RBFOX1: variants seen among roughly 807,000 people sequenced by gnomAD.
RBFOX1 encodes the protein RNA binding protein fox-1 homolog 1.
A neutral mutation model predicts 57.7 loss-of-function variants in RBFOX1; 8 were observed. The observed-to-expected ratio is 0.14, with a 90% CI of 0.08 to 0.25. The LOEUF is 0.25. Among genes scored for constraint, RBFOX1 ranks in the 10% least tolerant of loss-of-function variants. The pLI, the probability that RBFOX1 is intolerant of heterozygous loss-of-function variation, is 1.00. For missense variants in RBFOX1, 611 were observed against 548.5 expected (o/e 1.11, Z -1.14); for synonymous variants, 326 against 222.4 (o/e 1.47, Z -4.15).
intron 3 of RBFOX1, among the ~76,000 whole-genome samples, chr16:6,913,298 C>T (rs1482699836): frequency 6.6e-6 from 1 of 152,094 alleles, no homozygotes; most frequent in African/African-American, 2.4e-5. Context: ...CAGCCTGTGT[C>T]ATGCTGTTCA....
rs544017591 is a variant in RBFOX1 at position 5,566,472 on chromosome 16, C to T, written c.259-32430C>T. Among the ~76,000 whole-genome samples the T allele has an allele frequency of 1.4e-4, 22 of 151,912 alleles. No individual in the cohort carries two copies. The South Asian group carries it at 4.6e-3, about 32-fold the overall frequency. ...TGGAGTTTAATGTGTAGAACCCGCT[C>T]CCTCGGGTTGTTATATTTTGTCTTT... On this transcript the variant is annotated intron_variant, in intron 2 of 2. Transcript: ENST00000585867.
intron 2 of RBFOX1, among the ~76,000 whole-genome samples, chr16:6,594,892 G>A (rs899653693): frequency 2.6e-5 from 4 of 152,140 alleles, no homozygotes; most frequent in African/African-American, 9.7e-5. Context: ...GGGTTCAAGC[G>A]ATTCTCCTGG....
intron 5 of RBFOX1, among the ~76,000 whole-genome samples, chr16:7,533,043 C>A (rs1032477953): frequency 1.3e-5 from 2 of 152,178 alleles, no homozygotes; most frequent in Non-Finnish European, 2.9e-5. Flanking sequence ...CAAAACATGG[C>A]AGCTAATGTT....
chr16:6,941,296 CTCCCTCCTTCCTTCCTTCCTTCCT>C (rs1484637688), intron 3 of RBFOX1, among the ~76,000 whole-genome samples: 8 of 64,686 alleles, frequency 1.2e-4, no homozygotes, highest in African/African-American at 3.6e-4. Flanking sequence ...CCTTCCCTCC[CTCCCTCCTTCCTTCCTTCCTTCCT>C]TCCTTCCTTC....
chr16:5,785,859 T>C (rs1325487070), intron 3 of RBFOX1, among the ~76,000 whole-genome samples: 1 of 152,120 alleles, frequency 6.6e-6, no homozygotes, highest in African/African-American at 2.4e-5. Flanking sequence ...AAAATCTGCC[T>C]CTCTTCATTC....
chr16:6,988,420 A>G (rs190130038), intron 3 of RBFOX1, among the ~76,000 whole-genome samples: 88 of 152,314 alleles, frequency 5.8e-4, no homozygotes, highest in South Asian at 1.2e-3. Flanking sequence ...AAGACTTAGT[A>G]TATGAAAGTG....
chr16:6,944,204 G>T (rs190787287), intron 3 of RBFOX1, among the ~76,000 whole-genome samples: 1 of 152,044 alleles, frequency 6.6e-6, no homozygotes, highest in East Asian at 1.9e-4. Context: ...AGATCAGCCT[G>T]CCCAACACAG....
intron 3 of RBFOX1, among the ~76,000 whole-genome samples, chr16:5,695,931 T>C (rs1436412613): frequency 1.3e-5 from 2 of 152,126 alleles, no homozygotes; most frequent in African/African-American, 4.8e-5. Context: ...TAATAAAAAA[T>C]CGATAAGAGA....
chr16:6,774,443 G>C (rs7500394), intron 3 of RBFOX1, among the ~76,000 whole-genome samples: 113,531 of 151,970 alleles, frequency 0.75, 43,797 homozygotes, highest in African/African-American at 0.93. Flanking sequence ...GGTTCCAGAA[G>C]CAAATTAAAT....
At chr16:7,595,456 G>T in intron 7 of RBFOX1, 93 bp from the exon 8 acceptor site, 2 of 1,006,128 alleles carry the variant, frequency 2.0e-6, no homozygotes, top group East Asian at 2.8e-5. Flanking sequence ...GCCAGGACAA[G>T]AAATAGAAAT....
chr16:6,760,646 C>G (rs550356170), intron 3 of RBFOX1, among the ~76,000 whole-genome samples: 1 of 152,268 alleles, frequency 6.6e-6, no homozygotes, highest in South Asian at 2.1e-4. Context: ...CAAATAAAAG[C>G]ATATACTGGA....
chr16:5,656,659 C>T (rs552856878), intron 3 of RBFOX1, among the ~76,000 whole-genome samples: 1 of 152,282 alleles, frequency 6.6e-6, no homozygotes, highest in East Asian at 1.9e-4. Context: ...ATCTGTAGCT[C>T]TTATAGCCAT....
intron 3 of RBFOX1, among the ~76,000 whole-genome samples, chr16:6,821,082 A>G (rs1395233323): frequency 6.6e-6 from 1 of 152,226 alleles, no homozygotes; most frequent in African/African-American, 2.4e-5. Context: ...ACATCTCAGA[A>G]ATGTTAAAGT....
Position 7,034,848 on chromosome 16 carries a change from C to CTTTTTTTTTTTTTT in RBFOX1, c.-15-17204_-15-17191dup, listed in dbSNP as rs58405378. 5.9e-3 allele frequency among the ~76,000 whole-genome samples: 183 copies of CTTTTTTTTTTTTTT among 30,832 alleles called. 33 individuals are homozygous for CTTTTTTTTTTTTTT. Among genetic ancestry groups the CTTTTTTTTTTTTTT allele is most frequent in the African/African-American group, 0.03 (171 of 5,746 alleles). The allele number at this position is 30,832 out of a possible 152,430, so 20.2% of individuals were successfully genotyped here. A position where few individuals can be genotyped will look rare whatever the true frequency, so the allele number is the denominator to read the frequency against. ...ATTACTTTTTTTTTTTTTCTTTTTT[C>CTTTTTTTTTTTTTT]TTTTTTTTTTTTTTTTTTGAGATGG... On this transcript the variant is annotated intron_variant, in intron 3 of 15. Transcript: ENST00000550418.
chr16:7,367,625 C>T (rs540258876), intron 4 of RBFOX1, among the ~76,000 whole-genome samples: 4 of 152,254 alleles, frequency 2.6e-5, no homozygotes, highest in African/African-American at 7.2e-5. Flanking sequence ...TCACAACATT[C>T]TGTATATGTG....
chr16:5,910,549 G>A (rs2058579714), intron 4 of RBFOX1, among the ~76,000 whole-genome samples: 1 of 152,144 alleles, frequency 6.6e-6, no homozygotes, highest in Non-Finnish European at 1.5e-5. Context: ...GAGCCCTTTT[G>A]GTTATTGGAG....
chr16:6,968,147 G>A (rs987787847), intron 3 of RBFOX1, among the ~76,000 whole-genome samples: 2 of 152,062 alleles, frequency 1.3e-5, no homozygotes, highest in African/African-American at 2.4e-5. Context: ...CGCTAGACTC[G>A]GCCTCAGGGT....
At chr16:5,732,360 G>T (rs2151565055) in intron 3 of RBFOX1, among the ~76,000 whole-genome samples, 1 of 152,270 alleles carries the variant, frequency 6.6e-6, no homozygotes, top group East Asian at 1.9e-4. Flanking sequence ...ATGACTGCCG[G>T]ACTGAAGATT....
At chr16:6,736,001 AC>A (rs2070181082) in intron 3 of RBFOX1, among the ~76,000 whole-genome samples, 1 of 30,698 alleles carries the variant, frequency 3.3e-5, no homozygotes, top group African/African-American at 1.3e-4. Flanking sequence ...AGGGTAATTA[AC>A]TTCTTCTTTT....
Sources: gnomAD v4.1 joint callset for allele counts (sites outside exome capture counted in the v4.1 genomes callset) on GRCh38, gnomAD v4.1.1 for gene constraint, MANE v1.5 for transcripts, NCBI Gene and HGNC (gene_info 2026-07-23, HGNC 2026-07-21) for gene names.